The following TXNL4A variants were observed in gnomAD, a reference collection of about 807,000 sequenced individuals.
TXNL4A encodes thioredoxin-like protein 4A.
TXNL4A carries 17 observed loss-of-function variants against 14.6 expected under a neutral mutation model. The observed-to-expected ratio is 1.16, with a 90% confidence interval of 0.80 to 1.74. TXNL4A has a LOEUF of 1.74. Ranked by LOEUF, TXNL4A falls within the 40% of genes most tolerant of loss-of-function variation. The pLI is 0.00. For synonymous variants in TXNL4A, 83 were observed against 70.6 expected (o/e 1.18, Z -0.88); for missense variants, 74 against 195.2 (o/e 0.38, Z 3.70).
upstream of TXNL4A, among the ~76,000 whole-genome samples, chr18:79,993,496 T>G (rs2051641234): frequency 6.6e-6 from 1 of 152,194 alleles, no homozygotes; most frequent in African/African-American, 2.4e-5. The surrounding 1 kb of genome is among the most constrained non-coding windows in gnomAD (Gnocchi z 4.4). Context: ...AAAGTTAGCA[T>G]GAACAACCCA....
chr18:80,015,193 C>T (rs2051798899), intron 1 of TXNL4A, among the ~76,000 whole-genome samples: 1 of 138,076 alleles, frequency 7.2e-6, no homozygotes, highest in African/African-American at 2.5e-5. Flanking sequence ...GTCTTGGGGA[C>T]TAACATTTGG....
At chr18:79,997,624 T>C (rs1411018674) in intron 1 of TXNL4A, among the ~76,000 whole-genome samples, 3 of 152,154 alleles carry the variant, frequency 2.0e-5, no homozygotes, top group African/African-American at 7.2e-5. Flanking sequence ...GGGCAATATA[T>C]GTGGACGGTA....
Position 79,993,991 on chromosome 18 carries a change from C to A in TXNL4A, c.-60-16290G>T, listed in dbSNP as rs1021823125. Among the ~76,000 whole-genome samples, 7 of 152,134 alleles carry A rather than the reference C, an allele frequency of 4.6e-5. No homozygotes were observed. Among genetic ancestry groups the A allele is most frequent in the African/African-American group, 1.4e-4 (6 of 41,426 alleles). On this transcript the variant is annotated intron_variant, in intron 1 of 2. Coordinates refer to the TXNL4A transcript ENST00000585474. This position sits in a 1 kb window ranked among gnomAD's most constrained non-coding sequence, Gnocchi z 4.4. ...CCTGAAGAGCCAGGTCCCCAGGCAG[C>A]ACACTTTGGGTCTCACACACATCCC...
At position 79,983,745 on chromosome 18, in the gene TXNL4A, T is replaced by C. The variant is rs115332295; in HGVS notation, c.153+4495A>G. Among the ~76,000 whole-genome samples, 1,310 of 152,354 alleles carry C rather than the reference T, an allele frequency of 8.6e-3. 17 individuals are homozygous for C. The highest frequency in any genetic ancestry group is 0.028 in the South Asian group (135 of 4,832). ...TGCAAACTTAGTAATGTGAGAGAAG[T>C]AATCACAGTAATAACAGTGGCATTA... is the stretch of plus-strand genomic sequence containing the variant. On this transcript the variant is annotated intron_variant, in intron 1 of 2. Transcript: ENST00000269601.
intron 1 of TXNL4A, among the ~76,000 whole-genome samples, chr18:79,998,346 C>G (rs1425542715): frequency 6.6e-6 from 1 of 151,606 alleles, no homozygotes; most frequent in Non-Finnish European, 1.5e-5. Context: ...TATGGCTCAA[C>G]CTCTCTATGC....
At chr18:79,989,603 G>A (rs1405413926), upstream of TXNL4A, among the ~76,000 whole-genome samples, 1 of 152,098 alleles carries the variant, frequency 6.6e-6, no homozygotes, top group African/African-American at 2.4e-5. Context: ...GAGCACTTTG[G>A]GTTCATGCTG....
At chr18:80,031,720 C>T (rs2051922760) in intron 1 of TXNL4A, among the ~76,000 whole-genome samples, 1 of 152,218 alleles carries the variant, frequency 6.6e-6, no homozygotes, top group African/African-American at 2.4e-5. Flanking sequence ...TTTAGATACA[C>T]TAACGGCAGC....
chr18:79,977,844 C>CT (rs1429292032), intron 1 of TXNL4A, 143 bp from the exon 2 acceptor site: 72 of 625,978 alleles, frequency 1.2e-4, no homozygotes, highest in Non-Finnish European at 1.8e-4. Context: ...GGGTCTCACT[C>CT]TGTCATCCTA....
At chr18:80,000,771 A>G (rs2051693498) in intron 1 of TXNL4A, among the ~76,000 whole-genome samples, 2 of 152,124 alleles carry the variant, frequency 1.3e-5, no homozygotes, top group Non-Finnish European at 2.9e-5. Flanking sequence ...CTCCTGCCTC[A>G]GCCTCCTGAG....
intron 1 of TXNL4A, among the ~76,000 whole-genome samples, chr18:80,031,054 C>T (rs72972240): frequency 0.015 from 2,255 of 152,356 alleles, 23 homozygotes; most frequent in Non-Finnish European, 0.022. Flanking sequence ...TTAGCTCTCA[C>T]TTCAGCATTT....
Position 79,988,478 on chromosome 18 carries a change from C to G in TXNL4A, c.-86G>C. On this transcript the variant is annotated 5_prime_UTR_variant, in exon 1 of 3. Transcript: ENST00000269601. ...GCTCAGCCGGCCCCTCACTCCCCGG[C>G]CCCCGCCGCCCCCGGGCCCACGGAC... 1 of 1,232,496 alleles carries G rather than the reference C, an allele frequency of 8.1e-7. No homozygotes were observed. The highest frequency in any genetic ancestry group is 3.3e-5 in the East Asian group (1 of 30,486). 76.3% of individuals were successfully genotyped at this position (1,232,496 alleles called of 1,614,324 possible). A position where few individuals can be genotyped will look rare whatever the true frequency, so the allele number is the denominator to read the frequency against.
Position 79,971,351 on chromosome 18 carries a change from A to T in TXNL4A, c.*2334T>A, listed in dbSNP as rs2051299311. 6.6e-6 allele frequency: 1 copy of T among 152,330 alleles called. No individual in the cohort carries two copies. Among genetic ancestry groups the T allele is most frequent in the Admixed American group, 6.5e-5 (1 of 15,276 alleles). 9.4% of individuals were successfully genotyped at this position (152,330 alleles called of 1,614,324 possible). The stretch of plus-strand genomic sequence containing the variant: ...TTATCTTTTTTTATTTTTTTGAGAC[A>T]GGGTCTTGCTCAGTTGCCCAGGCTG... On this transcript the variant is annotated 3_prime_UTR_variant, in exon 3 of 3. Transcript: ENST00000269601.
intron 1 of TXNL4A, among the ~76,000 whole-genome samples, chr18:80,025,120 T>C (rs1419305404): frequency 6.6e-6 from 1 of 152,172 alleles, no homozygotes; most frequent in Non-Finnish European, 1.5e-5. Context: ...CCCGAATTAG[T>C]GTACCTGAGA....
chr18:80,002,099 C>T (rs958108811), intron 1 of TXNL4A, among the ~76,000 whole-genome samples: 10 of 152,114 alleles, frequency 6.6e-5, no homozygotes, highest in African/African-American at 9.7e-5. Context: ...ATACTTTTCT[C>T]CTGGTAGTGA....
chr18:80,030,900 G>A (rs2051916828), intron 1 of TXNL4A, among the ~76,000 whole-genome samples: 1 of 152,188 alleles, frequency 6.6e-6, no homozygotes, highest in South Asian at 2.1e-4. Context: ...CCGGGAGTTG[G>A]AGGTTGCAGT....
intron 1 of TXNL4A, among the ~76,000 whole-genome samples, chr18:80,020,364 C>T (rs2145124411): frequency 6.6e-6 from 1 of 152,314 alleles, no homozygotes; most frequent in African/African-American, 2.4e-5. Context: ...AGGTGATTAC[C>T]TGTTAGCCAC....
intron 1 of TXNL4A, among the ~76,000 whole-genome samples, chr18:80,007,430 C>T (rs2051738895): frequency 6.6e-6 from 1 of 152,172 alleles, no homozygotes; most frequent in African/African-American, 2.4e-5. Flanking sequence ...AGAAACAGAA[C>T]AGAGCAGGGA....
At chr18:79,996,103 CA>C (rs60443481) in intron 1 of TXNL4A, among the ~76,000 whole-genome samples, 9,323 of 59,860 alleles carry the variant, frequency 0.16, 61 homozygotes, top group Middle Eastern at 0.25. Flanking sequence ...GACTCTGACT[CA>C]AAAAAAAAAA....
At chr18:80,031,072 C>G (rs866444233) in intron 1 of TXNL4A, among the ~76,000 whole-genome samples, 25 of 152,234 alleles carry the variant, frequency 1.6e-4, no homozygotes, top group Admixed American at 1.6e-3. Flanking sequence ...TTTCCCCCAA[C>G]TAAAACAAAG....
Sources: allele counts gnomAD v4.1 joint callset (sites outside exome capture counted in the v4.1 genomes callset), GRCh38; gene constraint gnomAD v4.1.1; non-coding constraint Gnocchi (gnomAD v3.1); transcripts MANE v1.5; gene names NCBI Gene and HGNC (gene_info 2026-07-23, HGNC 2026-07-21).